The following RAB40A variants were observed in gnomAD, a reference collection of about 807,000 sequenced individuals.
RAB40A encodes the protein ras-related protein Rab-40A.
For missense variants in RAB40A, 145 were observed against 230.2 expected, an observed-to-expected ratio of 0.63 and a Z score of 2.40; for synonymous variants, 65 against 99.9, an observed-to-expected ratio of 0.65 and a Z score of 2.08.
intron 2 of RAB40A, among the ~76,000 whole-genome samples, chrX:103,510,566 TA>T (rs1437181497): frequency 8.9e-6 from 1 of 112,194 alleles, no homozygotes; most frequent in Non-Finnish European, 1.9e-5. Flanking sequence ...AATACATATA[TA>T]AATGCATGCA....
chrX:103,497,200 AAGG>A (rs2073181483), downstream of RAB40A, among the ~76,000 whole-genome samples: 1 of 111,808 alleles, frequency 8.9e-6, no homozygotes, highest in African/African-American at 3.3e-5. Flanking sequence ...TGGAAATATT[AAGG>A]AGAAGGAGCC....
intron 2 of RAB40A, among the ~76,000 whole-genome samples, chrX:103,512,443 C>T (rs2073295728): frequency 9.0e-6 from 1 of 111,076 alleles, no homozygotes; most frequent in African/African-American, 3.3e-5. Flanking sequence ...AACTTGCTAG[C>T]CCTGCCCTTG....
At chrX:103,497,961 C>A (rs2073190774), downstream of RAB40A, among the ~76,000 whole-genome samples, 1 of 111,537 alleles carries the variant, frequency 9.0e-6, no homozygotes, top group African/African-American at 3.3e-5. Context: ...ATTTTGTATA[C>A]TAGGGAATTT....
In RAB40A at chrX:103,499,985, T is replaced by C; in HGVS notation, c.772A>G (p.Ile258Val). Reference protein sequence around the residue: ...THKSSLCKVEIVCPPQSPPKN... With the variant: ...THKSSLCKVEVVCPPQSPPKN... ...GGTGGGCTCTGGGGTGGGCAGACGA[T>C]CTCCACTTTGCAGAGGCTGCTCTTG... The change falls in exon 3 of 3, where the codon ATC (isoleucine) becomes GTC (valine). Residue 258 changes from isoleucine to valine, a missense_variant. Physicochemically the swap from Ile to Val is conservative, Grantham distance 29 (BLOSUM62 3). Coordinates refer to ENST00000304236, the MANE Select transcript of RAB40A (RefSeq NM_080879.3). The C allele has an allele frequency of 8.3e-7, 1 of 1,209,191 alleles. No homozygotes were observed. The highest frequency in any genetic ancestry group is 1.1e-6 in the Non-Finnish European group (1 of 892,893).
intron 2 of RAB40A, among the ~76,000 whole-genome samples, chrX:103,505,211 TGTG>T (rs1309936132): frequency 1.8e-5 from 2 of 112,422 alleles, no homozygotes; most frequent in Non-Finnish European, 3.8e-5. Flanking sequence ...GCATTCTAAT[TGTG>T]GTAGAGTATT....
At chrX:103,500,900 G>T in intron 2 of RAB40A, 74 bp from the exon 3 acceptor site, 1 of 1,022,877 alleles carries the variant, frequency 9.8e-7, no homozygotes, top group Non-Finnish European at 1.3e-6. Context: ...ATGAGGTGGT[G>T]GCTTTGATGG....
In RAB40A at chrX:103,500,021, T is replaced by G. The variant is rs755752786; in HGVS notation, c.736A>C (p.Ser246Arg). The stretch of plus-strand genomic sequence containing the variant: ...CAGAGGCTGCTCTTGTGAGTGGAGC[T>G]GGTGGTGAGGGAGTAGGAGAGGCCT... ...MRGLSYSLTT[S>R]STHKSSLCKV... is the part of the protein sequence containing the mutation. Residue 246 changes from serine (S) to arginine (R), a missense_variant, in exon 3 of 3, where the codon AGC becomes CGC. Coordinates refer to ENST00000304236, the MANE Select transcript of RAB40A (RefSeq NM_080879.3). 3.3e-6 allele frequency: 4 copies of G among 1,210,392 alleles called. No homozygotes were observed. Among genetic ancestry groups the G allele is most frequent in the Non-Finnish European group, 4.5e-6 (4 of 893,912 alleles).
At position 103,500,270 on chromosome X, in the gene RAB40A, T is replaced by C. The variant is rs1398173695; in HGVS notation, c.487A>G (p.Ile163Val). The change falls in exon 3 of 3, where the codon ATC becomes GTC. Residue 163 changes from isoleucine to valine, a missense_variant. By Grantham distance (29) the Ile-to-Val change is conservative. Coordinates refer to ENST00000304236, the MANE Select transcript of RAB40A (RefSeq NM_080879.3). The stretch of plus-strand genomic sequence containing the variant: ...GCCAGCTCCGTGAAAGACTCTATGA[T>C]GTTGAAATTGCACAGAGGGCTGACC... ...FEVSPLCNFN[I>V]IESFTELARI... The C allele has an allele frequency of 8.3e-7, 1 of 1,210,129 alleles. No individual in the cohort carries two copies. The highest frequency in any genetic ancestry group is 1.7e-5 in the African/African-American group (1 of 57,205).
intron 2 of RAB40A, among the ~76,000 whole-genome samples, chrX:103,515,254 T>C (rs2073310932): frequency 8.9e-6 from 1 of 112,285 alleles, no homozygotes; most frequent in African/African-American, 3.2e-5. Flanking sequence ...CAAAGGTTTC[T>C]ATTCCAGTGT....
intron 2 of RAB40A, among the ~76,000 whole-genome samples, chrX:103,514,060 TG>T (rs1259827578): frequency 3.6e-5 from 4 of 111,601 alleles, no homozygotes; most frequent in African/African-American, 1.3e-4. Flanking sequence ...ACTGGAAAAG[TG>T]GTGTGTCTGG....
intron 2 of RAB40A, among the ~76,000 whole-genome samples, chrX:103,513,039 A>G (rs1165423568): frequency 1.8e-5 from 2 of 111,844 alleles, no homozygotes; most frequent in African/African-American, 6.5e-5. Flanking sequence ...GAATTAAAGT[A>G]TGAATCTATA....
At chrX:103,516,041 C>G (rs996647706) in intron 2 of RAB40A, among the ~76,000 whole-genome samples, 2 of 111,895 alleles carry the variant, frequency 1.8e-5, no homozygotes, top group Non-Finnish European at 3.8e-5. Flanking sequence ...GATAAAGCAA[C>G]ATATGGGAAT....
intron 2 of RAB40A, among the ~76,000 whole-genome samples, chrX:103,507,503 C>A (rs1369740465): frequency 1.8e-5 from 2 of 110,470 alleles, no homozygotes; most frequent in African/African-American, 6.6e-5. Flanking sequence ...TTAAAAAACA[C>A]CTGCGGAGTA....
chrX:103,508,181 C>A (rs1314332965), intron 2 of RAB40A, among the ~76,000 whole-genome samples: 1 of 111,942 alleles, frequency 8.9e-6, no homozygotes, highest in African/African-American at 3.3e-5. Context: ...CAGGATTTCA[C>A]CTCCTCTGTC....
At position 103,500,422 on chromosome X, in the gene RAB40A, A is replaced by G; in HGVS notation, c.335T>C (p.Ile112Thr). The change falls in exon 3 of 3, where the codon ATT becomes ACT. Residue 112 changes from isoleucine to threonine, a missense_variant. By Grantham distance (89) the Ile-to-Thr change is moderately conservative. Coordinates refer to ENST00000304236, the MANE Select transcript of RAB40A (RefSeq NM_080879.3). ...AGGGACACCAGGGGCATGTTCCTCA[A>G]TCTTCTTAATCCATCGATCCATACC... ...FEGMDRWIKK[I>T]EEHAPGVPKI... is the part of the protein sequence containing the mutation. 2.5e-6 allele frequency: 3 copies of G among 1,210,526 alleles called. No individual in the cohort carries two copies. Among genetic ancestry groups the G allele is most frequent in the South Asian group, 1.8e-5 (1 of 56,897 alleles).
intron 2 of RAB40A, among the ~76,000 whole-genome samples, chrX:103,517,105 C>A (rs1218703945): frequency 9.0e-6 from 1 of 111,666 alleles, no homozygotes; most frequent in Non-Finnish European, 1.9e-5. Context: ...AAATTATACG[C>A]TCAAAGAACA....
At chrX:103,516,710 T>C (rs764288805) in intron 2 of RAB40A, among the ~76,000 whole-genome samples, 12 of 111,344 alleles carry the variant, frequency 1.1e-4, no homozygotes, top group Admixed American at 2.9e-4. Flanking sequence ...ATTAACATGG[T>C]ACTAGATCTT....
At chrX:103,505,875 T>C (rs1208885319) in intron 2 of RAB40A, among the ~76,000 whole-genome samples, 1 of 112,059 alleles carries the variant, frequency 8.9e-6, no homozygotes, top group Non-Finnish European at 1.9e-5. Context: ...TTATAGGTTA[T>C]TCTTTTACTT....
downstream of RAB40A, among the ~76,000 whole-genome samples, chrX:103,495,940 T>C (rs181105048): frequency 6.0e-3 from 671 of 112,188 alleles, 5 homozygotes; most frequent in African/African-American, 0.021. Context: ...CTTGTTTTTC[T>C]CATTATTAGA....
Sources: allele counts gnomAD v4.1 joint callset (sites outside exome capture counted in the v4.1 genomes callset), GRCh38; gene constraint gnomAD v4.1.1; transcripts MANE v1.5; gene names NCBI Gene and HGNC (gene_info 2026-07-23, HGNC 2026-07-21).